WWOX: variants seen among roughly 807,000 people sequenced by gnomAD.
WWOX encodes WW domain-containing oxidoreductase.
In WWOX, 69 loss-of-function variants were observed where a neutral mutation model predicts 46.2. That is an observed-to-expected ratio of 1.49 (90% confidence interval 1.23 to 1.82). The LOEUF (loss-of-function observed/expected upper bound fraction) is 1.82. Ranked by LOEUF, WWOX falls within the 40% of genes most tolerant of loss-of-function variation. The pLI, the probability that WWOX is intolerant of heterozygous loss-of-function variation, is 0.00. For synonymous variants in WWOX, 359 were observed against 202.6 expected (o/e 1.77, Z -6.56); for missense variants, 919 against 542.6 (o/e 1.69, Z -6.89).
chr16:78,484,093 A>G (rs1281320509), intron 8 of WWOX, among the ~76,000 whole-genome samples: 1 of 152,200 alleles, frequency 6.6e-6, no homozygotes, highest in African/African-American at 2.4e-5. Flanking sequence ...TTTTGAAGGA[A>G]TCAAAATTAA....
intron 1 of WWOX, among the ~76,000 whole-genome samples, chr16:78,106,153 T>G (rs2032130173): frequency 6.6e-6 from 1 of 152,142 alleles, no homozygotes; most frequent in South Asian, 2.1e-4. Context: ...TTCAAGCACA[T>G]TTGATGTGTG....
intron 8 of WWOX, among the ~76,000 whole-genome samples, chr16:78,659,550 A>T (rs528507984): frequency 1.3e-5 from 2 of 152,174 alleles, no homozygotes; most frequent in African/African-American, 4.8e-5. Flanking sequence ...AAGAAAAAAA[A>T]ACCTTTCGAG....
intron 6 of WWOX, among the ~76,000 whole-genome samples, chr16:78,420,440 A>G (rs2082897168): frequency 6.6e-6 from 1 of 152,168 alleles, no homozygotes. Flanking sequence ...GCCCATTAAA[A>G]AGAAATGGAT....
At chr16:78,389,384 A>G (rs969124663) in intron 6 of WWOX, among the ~76,000 whole-genome samples, 2 of 152,212 alleles carry the variant, frequency 1.3e-5, no homozygotes, top group African/African-American at 4.8e-5. Flanking sequence ...TGGAAGCCAC[A>G]GTAACCGCAC....
intron 8 of WWOX, among the ~76,000 whole-genome samples, chr16:79,151,300 C>T (rs1397036052): frequency 1.3e-5 from 2 of 152,206 alleles, no homozygotes; most frequent in Admixed American, 6.5e-5. Flanking sequence ...AGGCGTTATT[C>T]TTTGTGGTGT....
intron 8 of WWOX, among the ~76,000 whole-genome samples, chr16:78,606,237 C>G (rs920903074): frequency 1.3e-5 from 2 of 152,152 alleles, no homozygotes; most frequent in Non-Finnish European, 1.5e-5. Flanking sequence ...AAAACTGGCT[C>G]TCTTTGTAGT....
chr16:78,964,443 G>C (rs1035730643), intron 8 of WWOX, among the ~76,000 whole-genome samples: 4 of 152,196 alleles, frequency 2.6e-5, no homozygotes, highest in Non-Finnish European at 5.9e-5. Flanking sequence ...CTAGAGATTT[G>C]TGGAACTTTG....
At chr16:78,893,088 C>G (rs147165616) in intron 8 of WWOX, among the ~76,000 whole-genome samples, 1,787 of 152,162 alleles carry the variant, frequency 0.012, 25 homozygotes, top group Middle Eastern at 0.024. Context: ...GAGTTTCCAT[C>G]TCCACCCTGC....
intron 8 of WWOX, among the ~76,000 whole-genome samples, chr16:79,038,950 A>G (rs1467809541): frequency 2.0e-5 from 3 of 152,158 alleles, no homozygotes; most frequent in East Asian, 1.9e-4. Flanking sequence ...ACATATATCT[A>G]TTGAGTTGCC....
intron 8 of WWOX, among the ~76,000 whole-genome samples, chr16:78,947,418 A>G (rs916063514): frequency 6.6e-6 from 1 of 152,182 alleles, no homozygotes; most frequent in African/African-American, 2.4e-5. Flanking sequence ...GCGCAGGTGC[A>G]TCTTGCTTTT....
chr16:78,970,433 A>C (rs1007732438), intron 8 of WWOX, among the ~76,000 whole-genome samples: 1 of 152,210 alleles, frequency 6.6e-6, no homozygotes, highest in African/African-American at 2.4e-5. Context: ...ACAAAGGTGC[A>C]ACTCTTGCTC....
chr16:79,002,827 C>G lies in WWOX; in HGVS notation c.1057-208781C>G, dbSNP rs182714818. On this transcript the variant is annotated intron_variant, in intron 8 of 8. Transcript: ENST00000566780. ...GATCCAAAACCCATGCTCATAATCA[C>G]TAAGTTATACTACCTCTTCGAGATG... is the stretch of plus-strand genomic sequence containing the variant. Among the ~76,000 whole-genome samples, 27 of 152,280 alleles carry G rather than the reference C, an allele frequency of 1.8e-4. 1 individual carries two copies. The highest frequency in any genetic ancestry group is 1.6e-3 in the Admixed American group (24 of 15,300).
At chr16:78,987,800 G>C (rs1301661240) in intron 8 of WWOX, among the ~76,000 whole-genome samples, 1 of 152,124 alleles carries the variant, frequency 6.6e-6, no homozygotes, top group Non-Finnish European at 1.5e-5. Context: ...TTTAAAAAAT[G>C]TGCTCTCCAA....
At chr16:78,704,596 G>A (rs1480396535) in intron 8 of WWOX, among the ~76,000 whole-genome samples, 1 of 152,166 alleles carries the variant, frequency 6.6e-6, no homozygotes, top group Non-Finnish European at 1.5e-5. Flanking sequence ...TCCATTAGGA[G>A]ATTTGCACAA....
At chr16:78,495,954 A>G (rs923957493) in intron 8 of WWOX, 5 of 152,220 alleles carry the variant, frequency 3.3e-5, no homozygotes, top group Non-Finnish European at 5.9e-5. Flanking sequence ...AGATTCCTTG[A>G]GAGAGGAACA....
rs750161679 is a variant in WWOX, at chr16:78,346,918, G to T, written c.517-39942G>T. Among the ~76,000 whole-genome samples, 14 of 118,108 alleles carry T rather than the reference G, an allele frequency of 1.2e-4. 4 individuals are homozygous for T. Among genetic ancestry groups the T allele is most frequent in the Admixed American group, 5.8e-4 (7 of 11,984 alleles). The allele number at this position is 118,108 out of a possible 152,430, so 77.5% of individuals were successfully genotyped here. A position where few individuals can be genotyped will look rare whatever the true frequency, so the allele number is the denominator to read the frequency against. ...ATTTTATTTTTTTAGCAGAGACAGG[G>T]TTTCACCATGTTGACCAGGCTGGTT... On this transcript the variant is annotated intron_variant, in intron 5 of 8. Coordinates refer to ENST00000566780, the MANE Select transcript of WWOX (RefSeq NM_016373.4).
intron 6 of WWOX, among the ~76,000 whole-genome samples, chr16:78,418,836 C>A (rs1223929259): frequency 1.3e-5 from 2 of 152,034 alleles, no homozygotes; most frequent in African/African-American, 2.4e-5. Context: ...CAAATGACAT[C>A]ATAATTAATG....
At chr16:78,720,148 C>T (rs535886170) in intron 8 of WWOX, among the ~76,000 whole-genome samples, 1 of 152,102 alleles carries the variant, frequency 6.6e-6, no homozygotes, top group Non-Finnish European at 1.5e-5. Flanking sequence ...TCCTTCTTGC[C>T]CTAATTTTAA....
chr16:78,644,769 C>T (rs1382550071), intron 8 of WWOX, among the ~76,000 whole-genome samples: 1 of 152,112 alleles, frequency 6.6e-6, no homozygotes, highest in African/African-American at 2.4e-5. Flanking sequence ...AGCCAAACCT[C>T]GGCACTTTTA....
Sources: allele counts gnomAD v4.1 joint callset (sites outside exome capture counted in the v4.1 genomes callset), GRCh38; gene constraint gnomAD v4.1.1; transcripts MANE v1.5; gene names NCBI Gene and HGNC (gene_info 2026-07-23, HGNC 2026-07-21).